STYX: variants seen among roughly 807,000 people sequenced by gnomAD.
STYX encodes the protein serine/threonine/tyrosine-interacting protein.
A neutral mutation model predicts 42.7 loss-of-function variants in STYX; 20 were observed. That is an observed-to-expected ratio of 0.47 (90% CI 0.33 to 0.68). The LOEUF (loss-of-function observed/expected upper bound fraction) is 0.68, where lower values mean the gene tolerates loss of function less well. Among genes scored for constraint, STYX ranks in the 30% least tolerant of loss-of-function variants. The pLI is 0.02. For missense variants in STYX, 226 were observed against 268.5 expected, an observed-to-expected ratio of 0.84 and a Z score of 1.11; for synonymous variants, 78 against 81.9, an observed-to-expected ratio of 0.95 and a Z score of 0.26.
rs1880644127 is a variant in STYX at position 52,730,420 on chromosome 14, T to G, written c.-55T>G. On this transcript the variant is annotated 5_prime_UTR_variant, in exon 1 of 11. Coordinates refer to ENST00000354586, the MANE Select transcript of STYX (RefSeq NM_145251.4). Reference sequence around the variant, plus strand: ...TCCGCCGCCGCAGCCAGCCCGAGGGTCGGCCGGCTGTGTAACACTCTCCCA... The same window carrying G: ...TCCGCCGCCGCAGCCAGCCCGAGGGGCGGCCGGCTGTGTAACACTCTCCCA... 2.5e-6 allele frequency: 4 copies of G among 1,587,556 alleles called. No individual in the cohort carries two copies. In the South Asian group the frequency reaches 3.4e-5, roughly 13 times the overall value.
intron 1 of STYX, among the ~76,000 whole-genome samples, chr14:52,732,122 G>A (rs1445513063): frequency 7.1e-6 from 1 of 140,522 alleles, no homozygotes; most frequent in Admixed American, 7.2e-5. Flanking sequence ...TTGACACAGA[G>A]TTTCACTCTT....
chr14:52,743,487 A>G (rs1881276330), intron 1 of STYX, among the ~76,000 whole-genome samples: 3 of 152,066 alleles, frequency 2.0e-5, no homozygotes, highest in Admixed American at 2.0e-4. Context: ...AGGCTGAGGC[A>G]GGAGAATGGT....
chr14:52,735,984 G>A (rs772618482), intron 1 of STYX, among the ~76,000 whole-genome samples: 2 of 152,002 alleles, frequency 1.3e-5, no homozygotes, highest in Non-Finnish European at 2.9e-5. Context: ...TTATTTCCAG[G>A]GTCCTGTATG....
At position 52,771,333 on chromosome 14, in the gene STYX, A is replaced by G. The variant is rs534048698; in HGVS notation, c.*227A>G. On this transcript the variant is annotated 3_prime_UTR_variant, in exon 11 of 11. Transcript: ENST00000354586. ...TTTTTTTAAAAACACATGCGCGCGC[A>G]CACACACATGCTTTACAAGTTTTAT... 6 of 420,554 alleles carry G rather than the reference A, an allele frequency of 1.4e-5. No individual in the cohort carries two copies. The highest frequency in any genetic ancestry group is 5.1e-5 in the South Asian group (1 of 19,712). 26.1% of individuals were successfully genotyped at this position (420,554 alleles called of 1,614,324 possible).
intron 1 of STYX, among the ~76,000 whole-genome samples, chr14:52,736,929 G>C (rs1048188437): frequency 1.3e-5 from 2 of 152,082 alleles, no homozygotes; most frequent in Non-Finnish European, 2.9e-5. Context: ...GCTTGGTGTG[G>C]GAATGAAAGG....
intron 5 of STYX, 54 bp downstream of exon 5, chr14:52,756,665 CTTAG>C: frequency 3.8e-6 from 1 of 261,296 alleles, no homozygotes; most frequent in South Asian, 6.6e-5. Context: ...GATTTGACTT[CTTAG>C]TTGTGCTTTT....
intron 1 of STYX, among the ~76,000 whole-genome samples, chr14:52,735,960 TTAA>T (rs765446158): frequency 3.4e-4 from 52 of 152,350 alleles, no homozygotes; most frequent in Non-Finnish European, 2.8e-4. Flanking sequence ...AAGATGAAAT[TTAA>T]ACCCTTGACA....
intron 9 of STYX, among the ~76,000 whole-genome samples, chr14:52,765,503 C>T (rs1280932342): frequency 1.3e-5 from 2 of 152,212 alleles, no homozygotes; most frequent in Admixed American, 1.3e-4. Context: ...AGGTGTGAGC[C>T]ACCGTGCCTG....
chr14:52,756,068 G>A (rs1881851469), intron 4 of STYX, among the ~76,000 whole-genome samples: 1 of 152,152 alleles, frequency 6.6e-6, no homozygotes, highest in Admixed American at 6.6e-5. Flanking sequence ...TACCCAGGCT[G>A]GAGTGCAGTG....
At chr14:52,764,889 G>C (rs1046272139) in intron 9 of STYX, among the ~76,000 whole-genome samples, 2 of 151,788 alleles carry the variant, frequency 1.3e-5, no homozygotes, top group Admixed American at 6.6e-5. Context: ...GGATGGTCTC[G>C]AATTCCTGAG....
Position 52,750,664 on chromosome 14 carries a change from TG to T in STYX, c.145-18del. On this transcript the variant is annotated intron_variant, in intron 3 of 10. Transcript: ENST00000354586. ...ATATTTATCTTCCCTGTCCTCCCCC[TG>T]CTTTTTTTTTTATACAGCTACCTGT... The T allele has an allele frequency of 6.8e-7, 1 of 1,461,548 alleles. No individual in the cohort carries two copies. The highest frequency in any genetic ancestry group is 9.3e-7 in the Non-Finnish European group (1 of 1,073,476). The allele number at this position is 1,461,548 out of a possible 1,614,324, so 90.5% of individuals were successfully genotyped here. A position where few individuals can be genotyped will look rare whatever the true frequency, so the allele number is the denominator to read the frequency against.
chr14:52,736,413 A>G (rs577695359), intron 1 of STYX, among the ~76,000 whole-genome samples: 4 of 152,348 alleles, frequency 2.6e-5, no homozygotes, highest in African/African-American at 9.6e-5. Context: ...CTTAGATATT[A>G]GGAAGAAGGA....
chr14:52,764,666 CTTTTTTTT>C (rs58502916), intron 9 of STYX, among the ~76,000 whole-genome samples: 1 of 99,014 alleles, frequency 1.0e-5, no homozygotes, highest in African/African-American at 3.9e-5. Flanking sequence ...TTTACTTTTC[CTTTTTTTT>C]TTTTTTTTTT....
rs766609161 is a variant in STYX, at chr14:52,739,975, C to T, written c.58-4877C>T. Among the ~76,000 whole-genome samples the T allele has an allele frequency of 2.6e-5, 4 of 152,168 alleles. No individual in the cohort carries two copies. The South Asian group carries it at 6.2e-4, about 24-fold the overall frequency. Reference sequence around the variant, plus strand: ...CATATATAAAAAGATTACCATAACACATTGGTAAGTTAAAGAATCTAGGCT... The same window carrying T: ...CATATATAAAAAGATTACCATAACATATTGGTAAGTTAAAGAATCTAGGCT... On this transcript the variant is annotated intron_variant, in intron 1 of 10. Transcript: ENST00000354586.
chr14:52,765,762 A>ATACCATAGGGAGGGATAGGTT (rs1882280654), intron 9 of STYX, among the ~76,000 whole-genome samples: 1 of 152,182 alleles, frequency 6.6e-6, no homozygotes, highest in African/African-American at 2.4e-5. Flanking sequence ...GATCCCTCGC[A>ATACCATAGGGAGGGATAGGTT]TACCATAGGG....
chr14:52,758,542 A>G (rs955128721), intron 8 of STYX, among the ~76,000 whole-genome samples: 1 of 152,198 alleles, frequency 6.6e-6, no homozygotes, highest in African/African-American at 2.4e-5. Flanking sequence ...GCTTAAAAAT[A>G]TCTATTCTTA....
intron 1 of STYX, chr14:52,731,684 C>T (rs780494743): frequency 6.6e-6 from 1 of 152,102 alleles, no homozygotes; most frequent in African/African-American, 2.4e-5. Flanking sequence ...ATCCGCCCGA[C>T]TCGGCCTCCC....
At chr14:52,730,943 GT>G (rs145885517) in intron 1 of STYX, among the ~76,000 whole-genome samples, 4,998 of 152,298 alleles carry the variant, frequency 0.033, 138 homozygotes, top group Non-Finnish European at 0.055. Flanking sequence ...GGCGCCTGAA[GT>G]TTGGAAGCGC....
chr14:52,733,502 C>T (rs912475834), intron 1 of STYX, among the ~76,000 whole-genome samples: 2 of 152,192 alleles, frequency 1.3e-5, no homozygotes, highest in Non-Finnish European at 2.9e-5. Context: ...CCCCCAACCT[C>T]AGATGGTAAT....
Sources: allele counts gnomAD v4.1 joint callset (sites outside exome capture counted in the v4.1 genomes callset), GRCh38; gene constraint gnomAD v4.1.1; transcripts MANE v1.5; gene names NCBI Gene and HGNC (gene_info 2026-07-23, HGNC 2026-07-21).